Variants in OSBPL10 observed in about 807,000 individuals in gnomAD.
OSBPL10 encodes the protein oxysterol-binding protein-related protein 10.
Under a neutral mutation model 81.7 loss-of-function variants are expected in OSBPL10, and 49 were observed. The ratio of observed to expected loss-of-function variants is 0.60; its 90% CI spans 0.48 to 0.76. OSBPL10 has a LOEUF of 0.76. Among genes scored for constraint, OSBPL10 ranks in the 30% least tolerant of loss-of-function variants. OSBPL10 has a pLI of 0.00. For missense variants in OSBPL10, 923 were observed against 987.8 expected (o/e 0.93, Z 0.88); for synonymous variants, 419 against 383.6 (o/e 1.09, Z -1.08).
intron 11 of OSBPL10, chr3:31,663,613 T>C: frequency 2.9e-6 from 3 of 1,039,680 alleles, no homozygotes; most frequent in Non-Finnish European, 3.5e-6. Context: ...TGACTAGCCC[T>C]TGTGGCCCAC....
intron 2 of OSBPL10, among the ~76,000 whole-genome samples, chr3:31,993,673 CACACACAT>C (rs1191415930): frequency 3.6e-4 from 47 of 130,766 alleles, no homozygotes; most frequent in African/African-American, 1.8e-3. Flanking sequence ...AACATGACTA[CACACACAT>C]ACACACACAC....
intron 6 of OSBPL10, among the ~76,000 whole-genome samples, chr3:31,720,082 T>C (rs929618984): frequency 2.7e-5 from 4 of 149,534 alleles, no homozygotes; most frequent in African/African-American, 9.8e-5. Context: ...ATATTATATG[T>C]ATATGTTTGC....
At chr3:31,939,565 G>GA (rs1266898148) in intron 1 of OSBPL10, among the ~76,000 whole-genome samples, 1 of 151,788 alleles carries the variant, frequency 6.6e-6, no homozygotes, top group Non-Finnish European at 1.5e-5. Flanking sequence ...CTCTCCCAGT[G>GA]AATCTGGCTT....
chr3:31,693,389 CCT>C (rs1255650281), intron 7 of OSBPL10, among the ~76,000 whole-genome samples: 1 of 152,200 alleles, frequency 6.6e-6, no homozygotes, highest in Non-Finnish European at 1.5e-5. Flanking sequence ...TATATCATCA[CCT>C]ATAACATCAA....
At chr3:31,741,018 T>G (rs192877521) in intron 5 of OSBPL10, among the ~76,000 whole-genome samples, 3 of 152,236 alleles carry the variant, frequency 2.0e-5, no homozygotes, top group Admixed American at 2.0e-4. Context: ...AAGGTTTGAC[T>G]GTGGAATTGT....
At chr3:32,022,963 G>T (rs1275772528) in intron 2 of OSBPL10, among the ~76,000 whole-genome samples, 1 of 152,102 alleles carries the variant, frequency 6.6e-6, no homozygotes, top group African/African-American at 2.4e-5. Context: ...ACATCTGTGT[G>T]CCAGTGGATC....
In OSBPL10 at chr3:31,830,229, A is replaced by G. The variant is rs141878033; in HGVS notation, c.540T>C (p.Ser180=). The part of the protein sequence containing the change: ...AKYHMEMNSK[S]APSSRSRSLT... ...GACTTCGGCTTCGGGAGCTTGGAGC[A>G]CTCTAGAATAAGCAACAGGTGTCAA... Residue 180 remains serine (S), a splice_region_variant and synonymous_variant, in exon 4 of 12, where the codon AGT becomes AGC. Coordinates refer to ENST00000396556, the MANE Select transcript of OSBPL10 (RefSeq NM_017784.5). The G allele has an allele frequency of 6.2e-6, 10 of 1,611,128 alleles. No homozygotes were observed. The highest frequency in any genetic ancestry group is 7.6e-6 in the Non-Finnish European group (9 of 1,178,692).
At chr3:32,024,255 T>G (rs1029335226) in intron 2 of OSBPL10, among the ~76,000 whole-genome samples, 1 of 152,170 alleles carries the variant, frequency 6.6e-6, no homozygotes, top group Non-Finnish European at 1.5e-5. Flanking sequence ...ATAGCCTGCT[T>G]GGGATTTTGA....
At chr3:32,014,422 A>AT (rs1559549517) in intron 2 of OSBPL10, among the ~76,000 whole-genome samples, 1 of 152,228 alleles carries the variant, frequency 6.6e-6, no homozygotes, top group Non-Finnish European at 1.5e-5. Flanking sequence ...CTCTCAATAA[A>AT]TTAGGTATCG....
At chr3:31,865,900 G>A (rs1466460087) in intron 3 of OSBPL10, among the ~76,000 whole-genome samples, 2 of 152,166 alleles carry the variant, frequency 1.3e-5, no homozygotes, top group African/African-American at 4.8e-5. Context: ...ACACTTTGGT[G>A]TGCATTTTTC....
intron 4 of OSBPL10, among the ~76,000 whole-genome samples, chr3:31,776,568 A>G (rs921822111): frequency 2.0e-5 from 3 of 152,240 alleles, no homozygotes. Flanking sequence ...CCACCAACAG[A>G]TGAATGGATA....
At chr3:31,826,595 G>C (rs1426368878) in intron 4 of OSBPL10, among the ~76,000 whole-genome samples, 1 of 152,272 alleles carries the variant, frequency 6.6e-6, no homozygotes, top group South Asian at 2.1e-4. Context: ...TGTGTATGAT[G>C]ATTTTCTCCA....
At chr3:31,809,978 T>C (rs1325629427) in intron 4 of OSBPL10, among the ~76,000 whole-genome samples, 1 of 150,262 alleles carries the variant, frequency 6.7e-6, no homozygotes, top group Non-Finnish European at 1.5e-5. Flanking sequence ...TTCAAGCGAT[T>C]CTCCTGCCTC....
intron 7 of OSBPL10, 121 bp from the exon 8 acceptor site, chr3:31,684,235 C>A: frequency 7.5e-7 from 1 of 1,332,380 alleles, no homozygotes. Context: ...AGGGAGCAGT[C>A]TGTTTTGACT....
intron 1 of OSBPL10, among the ~76,000 whole-genome samples, chr3:31,937,433 C>G (rs1697408051): frequency 6.6e-6 from 1 of 152,154 alleles, no homozygotes; most frequent in Non-Finnish European, 1.5e-5. Context: ...TGCCTCAAGG[C>G]AGAAATTTGG....
intron 4 of OSBPL10, among the ~76,000 whole-genome samples, chr3:31,760,104 T>G (rs1697989896): frequency 6.6e-6 from 1 of 152,142 alleles, no homozygotes; most frequent in African/African-American, 2.4e-5. Context: ...GAAAATATAT[T>G]TACTATTCAT....
At chr3:31,771,275 C>T (rs1451909783) in intron 4 of OSBPL10, among the ~76,000 whole-genome samples, 1 of 151,790 alleles carries the variant, frequency 6.6e-6, no homozygotes, top group Non-Finnish European at 1.5e-5. Flanking sequence ...TACAGAATTT[C>T]TATGCTATTG....
intron 10 of OSBPL10, among the ~76,000 whole-genome samples, chr3:31,666,413 A>G (rs1700191931): frequency 6.6e-6 from 1 of 152,240 alleles, no homozygotes; most frequent in African/African-American, 2.4e-5. Flanking sequence ...CACCACTGTG[A>G]GAGCTAAGAC....
intron 4 of OSBPL10, among the ~76,000 whole-genome samples, chr3:31,783,111 TTATATATATA>T (rs56846176): frequency 0.029 from 3,486 of 121,626 alleles, 218 homozygotes; most frequent in African/African-American, 0.11. Flanking sequence ...AATATATCTA[TTATATATATA>T]TATATATATA....
Sources: gnomAD v4.1 joint callset for allele counts (sites outside exome capture counted in the v4.1 genomes callset) on GRCh38, gnomAD v4.1.1 for gene constraint, MANE v1.5 for transcripts, NCBI Gene and HGNC (gene_info 2026-07-23, HGNC 2026-07-21) for gene names.